KAZN: variants seen among roughly 807,000 people sequenced by gnomAD.
The protein encoded by KAZN is kazrin.
Under a neutral mutation model 87.4 loss-of-function variants are expected in KAZN, and 40 were observed. The observed-to-expected ratio is 0.46, with a 90% CI of 0.36 to 0.60. The LOEUF (loss-of-function observed/expected upper bound fraction) is 0.60, where lower values mean the gene tolerates loss of function less well. KAZN is among the 20% of genes least tolerant of loss of function. KAZN has a pLI of 0.00. For synonymous variants in KAZN, 466 were observed against 458.3 expected, an observed-to-expected ratio of 1.02 and a Z score of -0.22; for missense variants, 898 against 1,073.9, an observed-to-expected ratio of 0.84 and a Z score of 2.29.
At chr1:14,397,052 AG>A (rs1662962604) in intron 2 of KAZN, among the ~76,000 whole-genome samples, 1 of 152,140 alleles carries the variant, frequency 6.6e-6, no homozygotes, top group African/African-American at 2.4e-5. Flanking sequence ...ATTTTTCTAG[AG>A]GCTACAGTCA....
chr1:14,967,150 T>A (rs1207513954), intron 2 of KAZN, among the ~76,000 whole-genome samples: 1 of 151,882 alleles, frequency 6.6e-6, no homozygotes, highest in Non-Finnish European at 1.5e-5. Context: ...TCAGCAGGAG[T>A]CACTATGTGA....
At chr1:14,094,080 AG>A (rs1291586662) in intron 1 of KAZN, among the ~76,000 whole-genome samples, 4 of 152,104 alleles carry the variant, frequency 2.6e-5, no homozygotes, top group Admixed American at 2.0e-4. Flanking sequence ...CTTTGGGGAA[AG>A]GGGGTTTTGG....
intron 1 of KAZN, among the ~76,000 whole-genome samples, chr1:14,831,531 G>A (rs376319390): frequency 6.2e-4 from 95 of 152,062 alleles, no homozygotes; most frequent in African/African-American, 2.2e-3. Flanking sequence ...GTTGCTTTCC[G>A]TTCAGCAGTT....
Position 15,104,201 on chromosome 1 carries a change from C to T in KAZN, c.2048+12C>T. On this transcript the variant is annotated intron_variant, in intron 13 of 14. Coordinates refer to ENST00000376030, the MANE Select transcript of KAZN (RefSeq NM_201628.3). ...TTCCACCCAGCCAAGTGAGCACGGG[C>T]TGGGATCCAGTCATGTGGGCTGCTG... The T allele has an allele frequency of 6.4e-7, 1 of 1,562,758 alleles. No individual in the cohort carries two copies. Among genetic ancestry groups the T allele is most frequent in the South Asian group, 1.2e-5 (1 of 84,412 alleles).
intron 4 of KAZN, among the ~76,000 whole-genome samples, chr1:15,052,927 T>C (rs1157242962): frequency 2.0e-5 from 3 of 152,168 alleles, no homozygotes; most frequent in South Asian, 4.1e-4. Context: ...AGGAAGCCGA[T>C]GGGTTCAGGA....
chr1:14,924,302 G>C, intron 1 of KAZN: 1 of 985,052 alleles, frequency 1.0e-6, no homozygotes, highest in Non-Finnish European at 1.2e-6. Flanking sequence ...GGGTCTGTGA[G>C]CCCGGCGCGC....
At chr1:14,956,775 G>GGA (rs1309098976) in intron 1 of KAZN, among the ~76,000 whole-genome samples, 1 of 152,160 alleles carries the variant, frequency 6.6e-6, no homozygotes, top group East Asian at 1.9e-4. Flanking sequence ...TTGATCGAGA[G>GGA]GAGAAAATTC....
intron 2 of KAZN, among the ~76,000 whole-genome samples, chr1:14,539,555 A>G (rs1672691280): frequency 6.6e-6 from 1 of 152,114 alleles, no homozygotes; most frequent in Non-Finnish European, 1.5e-5. Context: ...CTTTTCTGTA[A>G]CTCTAAAATT....
intron 1 of KAZN, among the ~76,000 whole-genome samples, chr1:14,873,089 AGGATGGAT>A (rs1417777780): frequency 3.4e-5 from 3 of 88,934 alleles, no homozygotes; most frequent in Non-Finnish European, 7.1e-5. Flanking sequence ...GATGGATGGA[AGGATGGAT>A]GGATGGACAG....
intron 4 of KAZN, among the ~76,000 whole-genome samples, chr1:15,054,473 G>A (rs12046488): frequency 4.0e-5 from 6 of 151,848 alleles, no homozygotes; most frequent in Non-Finnish European, 7.4e-5. Context: ...AACATAGTGC[G>A]ACCCTGTCTC....
At chr1:15,000,728 C>A (rs1251246436) in intron 2 of KAZN, among the ~76,000 whole-genome samples, 1 of 151,984 alleles carries the variant, frequency 6.6e-6, no homozygotes, top group Non-Finnish European at 1.5e-5. Flanking sequence ...GTTTGTTTCT[C>A]TGCTGAAAAA....
upstream of KAZN, among the ~76,000 whole-genome samples, chr1:14,594,120 A>G (rs1447375046): frequency 1.3e-5 from 2 of 152,184 alleles, no homozygotes; most frequent in Non-Finnish European, 1.5e-5. Context: ...AACCATATAT[A>G]CTGGGTTTCC....
chr1:14,275,943 A>T (rs1652309470), intron 2 of KAZN, among the ~76,000 whole-genome samples: 1 of 152,154 alleles, frequency 6.6e-6, no homozygotes, highest in African/African-American at 2.4e-5. Flanking sequence ...CCATGGTCCT[A>T]TGTAAAAATG....
At chr1:14,580,834 C>A (rs895782267) in intron 2 of KAZN, among the ~76,000 whole-genome samples, 1 of 152,140 alleles carries the variant, frequency 6.6e-6, no homozygotes, top group Non-Finnish European at 1.5e-5. Context: ...TGTCATCAAC[C>A]AATGTCATCA....
At chr1:14,112,502 A>G (rs1235083381) in intron 1 of KAZN, among the ~76,000 whole-genome samples, 2 of 152,190 alleles carry the variant, frequency 1.3e-5, no homozygotes, top group African/African-American at 4.8e-5. Context: ...TGTTGGGAGC[A>G]TGGCAGACAC....
At chr1:14,290,057 G>A (rs1319392320) in intron 2 of KAZN, among the ~76,000 whole-genome samples, 3 of 152,198 alleles carry the variant, frequency 2.0e-5, no homozygotes, top group African/African-American at 7.2e-5. Flanking sequence ...CTGTTAGTCT[G>A]ATGGGCTTCC....
intron 1 of KAZN, among the ~76,000 whole-genome samples, chr1:14,918,397 C>T (rs1658048608): frequency 6.6e-6 from 1 of 151,804 alleles, no homozygotes; most frequent in African/African-American, 2.4e-5. Flanking sequence ...AGGAATGGGG[C>T]TGGCATGGTG....
intron 1 of KAZN, among the ~76,000 whole-genome samples, chr1:14,128,950 A>G (rs190868991): frequency 2.4e-4 from 36 of 152,326 alleles, no homozygotes; most frequent in South Asian, 1.2e-3. Flanking sequence ...TTGCCTTAAC[A>G]GAAGCCATTC....
intron 2 of KAZN, among the ~76,000 whole-genome samples, chr1:14,993,646 G>T (rs34257238): frequency 4.6e-5 from 7 of 152,108 alleles, no homozygotes; most frequent in African/African-American, 1.7e-4. Flanking sequence ...TCGTCTGGGA[G>T]GGGGGTGATC....
Sources: allele counts gnomAD v4.1 joint callset (sites outside exome capture counted in the v4.1 genomes callset), GRCh38; gene constraint gnomAD v4.1.1; transcripts MANE v1.5; gene names NCBI Gene and HGNC (gene_info 2026-07-23, HGNC 2026-07-21).